Variants in PXDNL observed in about 807,000 individuals in gnomAD.
PXDNL encodes probable oxidoreductase PXDNL.
PXDNL carries 145 observed loss-of-function variants against 150.8 expected under a neutral mutation model. The observed-to-expected ratio is 0.96, with a 90% CI of 0.84 to 1.10. The LOEUF (loss-of-function observed/expected upper bound fraction) is 1.10, where lower values mean the gene tolerates loss of function less well. Among genes scored for constraint, PXDNL ranks in the 50% least tolerant of loss-of-function variants. The probability of loss-of-function intolerance (pLI) is 0.00; values close to 1 mark genes in which losing one functional copy is unlikely to be tolerated. For missense variants in PXDNL, 2,087 were observed against 1,873.9 expected (o/e 1.11, Z -2.10); for synonymous variants, 757 against 725.7 (o/e 1.04, Z -0.69).
intron 4 of PXDNL, among the ~76,000 whole-genome samples, chr8:51,530,190 T>C (rs1052686148): frequency 6.6e-6 from 1 of 152,216 alleles, no homozygotes; most frequent in African/African-American, 2.4e-5. Context: ...AGAGTCATCA[T>C]TGTATGGATA....
At chr8:51,713,356 C>T (rs1333956137) in intron 1 of PXDNL, among the ~76,000 whole-genome samples, 2 of 152,162 alleles carry the variant, frequency 1.3e-5, no homozygotes, top group African/African-American at 4.8e-5. Flanking sequence ...AATTCCTAGG[C>T]AGTCTTATCA....
chr8:51,588,042 G>A (rs1046278772), intron 3 of PXDNL, among the ~76,000 whole-genome samples: 1 of 152,160 alleles, frequency 6.6e-6, no homozygotes, highest in Non-Finnish European at 1.5e-5. Context: ...GTACTGGTTG[G>A]CTTAAGGTGA....
chr8:51,423,745 A>C lies in PXDNL; in HGVS notation c.1639-14T>G, dbSNP rs542974801. On this transcript the variant is annotated splice_polypyrimidine_tract_variant and intron_variant, in intron 13 of 22. Coordinates refer to ENST00000356297, the MANE Select transcript of PXDNL (RefSeq NM_144651.5). ...CTGCACACCTTCCTAGGGAGCAAAA[A>C]AGAGTTGCCACTGAATGAGTGTGGT... is the stretch of plus-strand genomic sequence containing the variant. 1 of 1,602,430 alleles carries C rather than the reference A, an allele frequency of 6.2e-7. No homozygotes were observed.
At chr8:51,379,869 A>G (rs1807479027) in intron 17 of PXDNL, among the ~76,000 whole-genome samples, 1 of 152,174 alleles carries the variant, frequency 6.6e-6, no homozygotes, top group Non-Finnish European at 1.5e-5. Flanking sequence ...TTTTAATCCA[A>G]GGGTAGCCAC....
chr8:51,656,714 T>A (rs1815156722), intron 1 of PXDNL, among the ~76,000 whole-genome samples: 1 of 152,206 alleles, frequency 6.6e-6, no homozygotes, highest in Admixed American at 6.5e-5. Flanking sequence ...ATCCTTACTG[T>A]CTACATCCAG....
chr8:51,456,508 A>C (rs1187212328), intron 9 of PXDNL, among the ~76,000 whole-genome samples: 1 of 152,202 alleles, frequency 6.6e-6, no homozygotes, highest in East Asian at 1.9e-4. Context: ...CCAGTTGTCA[A>C]ATTTTCAGTA....
chr8:51,406,845 C>A (rs1563396573), intron 17 of PXDNL, among the ~76,000 whole-genome samples: 1 of 152,182 alleles, frequency 6.6e-6, no homozygotes, highest in Non-Finnish European at 1.5e-5. Context: ...TCGGCTCCCA[C>A]GCCTACCACA....
At chr8:51,390,382 T>G (rs1250097268) in intron 17 of PXDNL, among the ~76,000 whole-genome samples, 2 of 152,164 alleles carry the variant, frequency 1.3e-5, no homozygotes, top group African/African-American at 4.8e-5. Context: ...TCATGCAATT[T>G]GCCTAAGATC....
At chr8:51,400,186 AC>A (rs1402219327) in intron 17 of PXDNL, among the ~76,000 whole-genome samples, 1 of 152,178 alleles carries the variant, frequency 6.6e-6, no homozygotes, top group East Asian at 1.9e-4. Flanking sequence ...TGGGAATGGA[AC>A]CCAACTCTAA....
At chr8:51,651,059 A>G (rs1025435441) in intron 2 of PXDNL, among the ~76,000 whole-genome samples, 7 of 152,254 alleles carry the variant, frequency 4.6e-5, no homozygotes, top group Non-Finnish European at 7.3e-5. Flanking sequence ...TACAATATCA[A>G]TATACAAAAA....
chr8:51,555,595 T>C (rs532174379), intron 4 of PXDNL, among the ~76,000 whole-genome samples: 1 of 152,302 alleles, frequency 6.6e-6, no homozygotes, highest in South Asian at 2.1e-4. Context: ...AATAAAATCA[T>C]GTTTTGAAAC....
intron 1 of PXDNL, among the ~76,000 whole-genome samples, chr8:51,687,275 CATT>C (rs1815897471): frequency 6.6e-6 from 1 of 152,116 alleles, no homozygotes; most frequent in Non-Finnish European, 1.5e-5. Flanking sequence ...AGAAATTTGT[CATT>C]ATATTTTAGG....
intron 19 of PXDNL, among the ~76,000 whole-genome samples, chr8:51,352,883 T>C (rs1369159586): frequency 6.6e-6 from 1 of 152,130 alleles, no homozygotes; most frequent in East Asian, 1.9e-4. Context: ...TTCTCACTTA[T>C]GAGTGGGAGC....
intron 3 of PXDNL, among the ~76,000 whole-genome samples, chr8:51,584,321 A>AAT (rs1813276311): frequency 6.6e-6 from 1 of 152,144 alleles, no homozygotes; most frequent in African/African-American, 2.4e-5. Context: ...TAAGGCAGGG[A>AAT]ATACTTTCCC....
intron 1 of PXDNL, among the ~76,000 whole-genome samples, chr8:51,744,028 GGGAAGGAAGGAAGGAAGGAAGGAA>G (rs1256286465): frequency 7.9e-4 from 50 of 63,298 alleles, no homozygotes; most frequent in African/African-American, 1.7e-3. Context: ...AAGAAGAAGA[GGGAAGGAAGGAAGGAAGGAAGGAA>G]GGAAGGAAGG....
intron 2 of PXDNL, among the ~76,000 whole-genome samples, chr8:51,612,435 A>C (rs1022127464): frequency 2.0e-5 from 3 of 152,192 alleles, no homozygotes; most frequent in African/African-American, 7.2e-5. Context: ...CTCTCTCTGC[A>C]TCTCTGGTGT....
chr8:51,418,937 A>G (rs1298209212), intron 14 of PXDNL, among the ~76,000 whole-genome samples: 1 of 152,164 alleles, frequency 6.6e-6, no homozygotes. Flanking sequence ...AAAAGAAGCA[A>G]TTTTAGGGAA....
At chr8:51,629,235 T>C (rs1017836589) in intron 2 of PXDNL, among the ~76,000 whole-genome samples, 1 of 152,044 alleles carries the variant, frequency 6.6e-6, no homozygotes, top group African/African-American at 2.4e-5. Flanking sequence ...ATTAAAAATA[T>C]AAAAAGACAT....
chr8:51,547,709 G>C (rs1328929532), intron 4 of PXDNL, among the ~76,000 whole-genome samples: 1 of 152,206 alleles, frequency 6.6e-6, no homozygotes, highest in Non-Finnish European at 1.5e-5. Context: ...TTGAGTCCCA[G>C]ATCTTTCCAC....
Sources: gnomAD v4.1 joint callset for allele counts (sites outside exome capture counted in the v4.1 genomes callset) on GRCh38, gnomAD v4.1.1 for gene constraint, MANE v1.5 for transcripts, NCBI Gene and HGNC (gene_info 2026-07-23, HGNC 2026-07-21) for gene names.